RGS12: variants seen among roughly 807,000 people sequenced by gnomAD.
RGS12 encodes the protein regulator of G-protein signaling 12.
Under a neutral mutation model 120.1 loss-of-function variants are expected in RGS12, and 66 were observed. The ratio of observed to expected loss-of-function variants is 0.55; its 90% confidence interval spans 0.45 to 0.67. RGS12 has a LOEUF of 0.67. Among genes scored for constraint, RGS12 ranks in the 30% least tolerant of loss-of-function variants. The pLI is 0.00. For synonymous variants in RGS12, 827 were observed against 804.7 expected (o/e 1.03, Z -0.47); for missense variants, 1,859 against 1,957.7 (o/e 0.95, Z 0.95).
intron 17 of RGS12, among the ~76,000 whole-genome samples, chr4:3,438,372 G>A (rs910746462): frequency 3.9e-5 from 6 of 151,974 alleles, no homozygotes; most frequent in East Asian, 3.9e-4. Flanking sequence ...GCACAGATGG[G>A]GGGGTGGGGT....
At position 3,316,916 on chromosome 4, in the gene RGS12, C is replaced by T; in HGVS notation, c.746C>T (p.Ser249Phe). The T allele has an allele frequency of 2.5e-6, 4 of 1,613,982 alleles. No individual in the cohort carries two copies. Among genetic ancestry groups the T allele is most frequent in the Non-Finnish European group, 2.5e-6 (3 of 1,180,052 alleles). The change falls in exon 2 of 18, where the codon TCC (serine) becomes TTC (phenylalanine). Residue 249 changes from serine to phenylalanine, a missense_variant. By Grantham distance (155) the Ser-to-Phe change is radical. Transcript: ENST00000336727. ...ELPSTSSNLE[S>F]DSLQAIRGCM... ...CCTTCCACGAGCTCCAACCTGGAGT[C>T]CGACAGCTTGCAAGCCATCCGCGGC...
At position 3,430,746 on chromosome 4, in the gene RGS12, C is replaced by T. The variant is rs572815598; in HGVS notation, c.3905C>T (p.Pro1302Leu). 2.5e-6 allele frequency: 4 copies of T among 1,606,980 alleles called. No homozygotes were observed. The highest frequency in any genetic ancestry group is 1.7e-5 in the Admixed American group (1 of 59,658). The change falls in exon 17 of 18, where the codon CCC becomes CTC. Residue 1302 changes from proline to leucine, a missense_variant. By Grantham distance (98) the Pro-to-Leu change is moderately conservative. Transcript: ENST00000336727. ...TCTCCCAGCGGGCCCTTCTGCACTC[C>T]CCAGTCCCCCGTCTCCCTCGCGCAG... ...QKSPSGPFCT[P>L]QSPVSLAQEG... is the part of the protein sequence containing the mutation.
chr4:3,363,805 G>A (rs2108856457), intron 3 of RGS12, among the ~76,000 whole-genome samples: 1 of 152,206 alleles, frequency 6.6e-6, no homozygotes, highest in Admixed American at 6.5e-5. Context: ...AGAACCCCTG[G>A]GACCCAGGGG....
rs1452449806 is a variant in RGS12 at position 3,433,709 on chromosome 4, T to C, written c.4114+2754T>C. 1.3e-5 allele frequency among the ~76,000 whole-genome samples: 2 copies of C among 150,920 alleles called. No homozygotes were observed. Among genetic ancestry groups the C allele is most frequent in the Non-Finnish European group, 3.0e-5 (2 of 67,768 alleles). ...CCACCACGCCCTTCTAGCCTCAGCGTCATGCACCGCACCGCCCCATGCTTC... is the reference window on the plus strand; with the variant it reads ...CCACCACGCCCTTCTAGCCTCAGCGCCATGCACCGCACCGCCCCATGCTTC... On this transcript the variant is annotated intron_variant, in intron 17 of 17. Coordinates refer to ENST00000336727, the MANE Select transcript of RGS12 (RefSeq NM_001394154.1). This position sits in a 1 kb window ranked among gnomAD's most constrained non-coding sequence, Gnocchi z 4.4.
intron 3 of RGS12, among the ~76,000 whole-genome samples, chr4:3,382,074 G>A (rs1477735716): frequency 1.3e-5 from 2 of 152,172 alleles, no homozygotes; most frequent in Non-Finnish European, 2.9e-5. Flanking sequence ...GTTGACTGCT[G>A]TTAGCTTTGG....
chr4:3,369,198 C>T (rs1345523757), intron 3 of RGS12, among the ~76,000 whole-genome samples: 1 of 152,214 alleles, frequency 6.6e-6, no homozygotes, highest in Non-Finnish European at 1.5e-5. Flanking sequence ...CTGCAGACTC[C>T]CCCACACTTT....
At chr4:3,370,384 A>G (rs1716844684) in intron 3 of RGS12, 4 of 1,518,734 alleles carry the variant, frequency 2.6e-6, no homozygotes, top group South Asian at 2.2e-5. Context: ...CACCCTGGCT[A>G]TCCTGTTTTA....
rs1045306911 is a variant in RGS12, at chr4:3,374,989, G to A, written c.1999-11427G>A. On this transcript the variant is annotated intron_variant, in intron 3 of 17. Transcript: ENST00000336727. The surrounding 1 kb of genome is among the most constrained non-coding windows in gnomAD (Gnocchi z 6.3). ...CAGATGCTTTGCCAAGTGAGTGGGA[G>A]CGTTCTCAGCTTGCGTTTGCCATGC... Among the ~76,000 whole-genome samples the A allele has an allele frequency of 2.2e-4, 33 of 152,180 alleles. No individual in the cohort carries two copies. Among genetic ancestry groups the A allele is most frequent in the African/African-American group, 8.0e-4 (33 of 41,436 alleles).
chr4:3,336,599 C>A (rs1031771902), intron 2 of RGS12, among the ~76,000 whole-genome samples: 1 of 152,216 alleles, frequency 6.6e-6, no homozygotes, highest in Non-Finnish European at 1.5e-5. Context: ...GGGGTGTAGT[C>A]GTGACCAGGA....
chr4:3,400,992 G>T (rs555687032), intron 4 of RGS12, among the ~76,000 whole-genome samples: 1 of 152,010 alleles, frequency 6.6e-6, no homozygotes, highest in Non-Finnish European at 1.5e-5. Flanking sequence ...TTAAACTTGG[G>T]AAGAAAAAAG....
At chr4:3,435,898 G>A (rs1213656347) in intron 17 of RGS12, among the ~76,000 whole-genome samples, 2 of 152,156 alleles carry the variant, frequency 1.3e-5, no homozygotes, top group South Asian at 2.1e-4. Flanking sequence ...CTGGAGCTCC[G>A]GCTTGAAGCC....
intron 2 of RGS12, among the ~76,000 whole-genome samples, chr4:3,331,640 T>C (rs1711858782): frequency 6.6e-6 from 1 of 151,704 alleles, no homozygotes; most frequent in African/African-American, 2.4e-5. Flanking sequence ...TGGATAATTC[T>C]AAAAGGGTCA....
chr4:3,416,823 G>T lies in RGS12; in HGVS notation c.2428-90G>T, dbSNP rs59743134. The T allele has an allele frequency of 9.2e-4, 1,078 of 1,177,332 alleles. 4 individuals carry two copies. In the African/African-American group the frequency reaches 0.015, roughly 16 times the overall value. 72.9% of individuals were successfully genotyped at this position (1,177,332 alleles called of 1,614,324 possible). ...GATGTCCTTTCAGGACAGGGCCAGT[G>T]GTTGCCTACAGGTCGCCAAGCAGCC... On this transcript the variant is annotated intron_variant, in intron 7 of 17. Coordinates refer to ENST00000336727, the MANE Select transcript of RGS12 (RefSeq NM_001394154.1).
At chr4:3,325,008 A>G (rs893048179) in intron 2 of RGS12, among the ~76,000 whole-genome samples, 5 of 152,144 alleles carry the variant, frequency 3.3e-5, no homozygotes, top group Non-Finnish European at 5.9e-5. Flanking sequence ...AGCTCTTTGT[A>G]TGTAAAAGAA....
chr4:3,321,919 A>G (rs938728252), intron 2 of RGS12, among the ~76,000 whole-genome samples: 1 of 152,386 alleles, frequency 6.6e-6, no homozygotes, highest in Middle Eastern at 3.4e-3. Flanking sequence ...CTTAATCTGT[A>G]TGCAAAATAA....
chr4:3,433,539 C>T lies in RGS12; in HGVS notation c.4114+2584C>T, dbSNP rs567434691. On this transcript the variant is annotated intron_variant, in intron 17 of 17. Coordinates refer to ENST00000336727, the MANE Select transcript of RGS12 (RefSeq NM_001394154.1). The surrounding 1 kb of genome is among the most constrained non-coding windows in gnomAD (Gnocchi z 4.4). ...CCACCCTGTCCTAGCCCCAATGCCA[C>T]ATGCCACACCACCCCATCCTAGCCC... Among the ~76,000 whole-genome samples, 2 of 151,202 alleles carry T rather than the reference C, an allele frequency of 1.3e-5. No individual in the cohort carries two copies. The highest frequency in any genetic ancestry group is 6.6e-5 in the Admixed American group (1 of 15,232).
chr4:3,421,818 G>A (rs1400052720), intron 10 of RGS12, among the ~76,000 whole-genome samples: 1 of 152,242 alleles, frequency 6.6e-6, no homozygotes, highest in Non-Finnish European at 1.5e-5. Context: ...GCCGCATTAT[G>A]AGGGGCACAG....
chr4:3,355,158 C>G (rs768018025), intron 3 of RGS12, among the ~76,000 whole-genome samples: 1 of 152,126 alleles, frequency 6.6e-6, no homozygotes, highest in Non-Finnish European at 1.5e-5. Flanking sequence ...ATCAATTTAA[C>G]TTACTATTTT....
chr4:3,344,620 A>T (rs1426929731), intron 3 of RGS12, among the ~76,000 whole-genome samples: 1 of 152,096 alleles, frequency 6.6e-6, no homozygotes. Flanking sequence ...GTAAACTTCT[A>T]TCTCATGGTG....
Sources: gnomAD v4.1 joint callset for allele counts (sites outside exome capture counted in the v4.1 genomes callset) on GRCh38, gnomAD v4.1.1 for gene constraint, Gnocchi (gnomAD v3.1) non-coding constraint, MANE v1.5 for transcripts, NCBI Gene and HGNC (gene_info 2026-07-23, HGNC 2026-07-21) for gene names.